ARHGAP31: variants seen among roughly 807,000 people sequenced by gnomAD.
ARHGAP31 encodes Rho GTPase activating protein 31.
Under a neutral mutation model 113.9 loss-of-function variants are expected in ARHGAP31, and 34 were observed. The observed-to-expected ratio is 0.30, with a 90% CI of 0.23 to 0.40. The LOEUF is 0.40. Among genes scored for constraint, ARHGAP31 ranks in the 10% least tolerant of loss-of-function variants. ARHGAP31 has a pLI of 1.00. For missense variants in ARHGAP31, 1,548 were observed against 1,767.1 expected, an observed-to-expected ratio of 0.88 and a Z score of 2.22; for synonymous variants, 650 against 684.8, an observed-to-expected ratio of 0.95 and a Z score of 0.79.
chr3:119,381,522 G>A (rs980209843), intron 4 of ARHGAP31, among the ~76,000 whole-genome samples: 3 of 152,110 alleles, frequency 2.0e-5, no homozygotes, highest in Non-Finnish European at 4.4e-5. Flanking sequence ...GTATAAGAAG[G>A]AACTTCCTAG....
intron 1 of ARHGAP31, among the ~76,000 whole-genome samples, chr3:119,328,656 T>C (rs1441050044): frequency 6.6e-6 from 1 of 152,178 alleles, no homozygotes; most frequent in Non-Finnish European, 1.5e-5. Flanking sequence ...TCTTTTTTTT[T>C]CTGAGACAGA....
chr3:119,310,318 C>T (rs1300751433), intron 1 of ARHGAP31, among the ~76,000 whole-genome samples: 1 of 152,152 alleles, frequency 6.6e-6, no homozygotes, highest in Non-Finnish European at 1.5e-5. Flanking sequence ...TGTGGTCACC[C>T]AGTGGTGTGC....
chr3:119,301,414 C>A lies in ARHGAP31; in HGVS notation c.100+6410C>A, dbSNP rs576883265. Among the ~76,000 whole-genome samples, 6 of 152,342 alleles carry A rather than the reference C, an allele frequency of 3.9e-5. No homozygotes were observed. In the South Asian group the frequency reaches 1.2e-3, roughly 32 times the overall value. On this transcript the variant is annotated intron_variant, in intron 1 of 11. Transcript: ENST00000264245. Reference sequence around the variant, plus strand: ...GAGGGAAACATGTTGAAACTAGGAACACATTTTCCCATAGCTGATGCTGTA... The same window carrying A: ...GAGGGAAACATGTTGAAACTAGGAAAACATTTTCCCATAGCTGATGCTGTA...
chr3:119,369,661 A>G (rs926974686), intron 3 of ARHGAP31, among the ~76,000 whole-genome samples: 11 of 152,244 alleles, frequency 7.2e-5, no homozygotes, highest in Non-Finnish European at 1.5e-4. Flanking sequence ...TCAGTGGTAC[A>G]GGGAAATACT....
chr3:119,410,409 G>C (rs1012508884), intron 11 of ARHGAP31, among the ~76,000 whole-genome samples: 2 of 152,186 alleles, frequency 1.3e-5, no homozygotes, highest in African/African-American at 4.8e-5. Context: ...GCAGCTCTGT[G>C]ACCAGAGGAG....
rs1291055004 is a variant in ARHGAP31, at chr3:119,402,003, C to T, written c.1251C>T (p.Arg417=). The stretch of plus-strand genomic sequence containing the variant: ...GTGGCTTTGATGTGAGCAGTGATCG[C>T]AGCCATCTCCAGGGCGCTCAGGCCC... ...AEGGFDVSSD[R]SHLQGAQARP... The change falls in exon 10 of 12, where the codon CGC becomes CGT. Residue 417 remains arginine, a synonymous_variant. Coordinates refer to ENST00000264245, the MANE Select transcript of ARHGAP31 (RefSeq NM_020754.4). 2 of 1,614,040 alleles carry T rather than the reference C, an allele frequency of 1.2e-6. No individual in the cohort carries two copies. The highest frequency in any genetic ancestry group is 4.5e-5 in the East Asian group (2 of 44,888).
rs566768470 is a variant in ARHGAP31, at chr3:119,324,895, G to A, written c.100+29891G>A. On this transcript the variant is annotated intron_variant, in intron 1 of 11. Transcript: ENST00000264245. The stretch of plus-strand genomic sequence containing the variant: ...AGGTCTCTTGGTCTCTCAGTTTGCA[G>A]ATCAGCGGAATGGCTAAATGAAGGT... 4 of 455,728 alleles carry A rather than the reference G, an allele frequency of 8.8e-6. No homozygotes were observed. In the East Asian group the frequency reaches 2.1e-4, roughly 24 times the overall value. 28.2% of individuals were successfully genotyped at this position (455,728 alleles called of 1,614,324 possible). A position where few individuals can be genotyped will look rare whatever the true frequency, so the allele number is the denominator to read the frequency against.
chr3:119,305,062 T>C (rs966250305), intron 1 of ARHGAP31, among the ~76,000 whole-genome samples: 7 of 152,188 alleles, frequency 4.6e-5, no homozygotes, highest in Non-Finnish European at 7.3e-5. Flanking sequence ...CCCCATCTTA[T>C]GAAGAAGGAC....
chr3:119,346,219 T>G (rs1394355836), intron 1 of ARHGAP31, among the ~76,000 whole-genome samples: 1 of 152,242 alleles, frequency 6.6e-6, no homozygotes, highest in Middle Eastern at 3.2e-3. Context: ...ATCTCTTCAG[T>G]GAATTTAAGC....
chr3:119,311,615 CAGAT>C (rs748152695), intron 1 of ARHGAP31, among the ~76,000 whole-genome samples: 5 of 152,180 alleles, frequency 3.3e-5, no homozygotes, highest in African/African-American at 9.7e-5. Context: ...GGTTGGCTAA[CAGAT>C]AGCATTCACT....
chr3:119,414,170 A>C lies in ARHGAP31; in HGVS notation c.2241A>C (p.Pro747=), dbSNP rs377576978. The change falls in exon 12 of 12, where the codon CCA becomes CCC. Residue 747 remains proline (P), a synonymous_variant. Transcript: ENST00000264245. The part of the protein sequence containing the change: ...EKPEPEQGLH[P]DLASLAPLEI... ...CGGAACCTGAGCAGGGCCTGCACCC[A>C]GACCTCGCCAGCCTGGCTCCTCTGG... is the stretch of plus-strand genomic sequence containing the variant. 4.3e-6 allele frequency: 7 copies of C among 1,614,036 alleles called. No homozygotes were observed. Among genetic ancestry groups the C allele is most frequent in the Non-Finnish European group, 5.9e-6 (7 of 1,180,018 alleles).
Position 119,380,893 on chromosome 3 carries a change from C to T in ARHGAP31, c.349-11C>T, listed in dbSNP as rs1031186787. On this transcript the variant is annotated splice_polypyrimidine_tract_variant and intron_variant, in intron 3 of 11. Coordinates refer to ENST00000264245, the MANE Select transcript of ARHGAP31 (RefSeq NM_020754.4). Reference sequence around the variant, plus strand: ...AGCACTCACCAGGCTGCCTTGTGTTCTTCTCCACAGGAGGCAGTGTCGCAT... The same window carrying T: ...AGCACTCACCAGGCTGCCTTGTGTTTTTCTCCACAGGAGGCAGTGTCGCAT... The T allele has an allele frequency of 1.2e-6, 2 of 1,613,746 alleles. No individual in the cohort carries two copies. Among genetic ancestry groups the T allele is most frequent in the Non-Finnish European group, 1.7e-6 (2 of 1,179,724 alleles).
chr3:119,312,055 C>T (rs1333883642), intron 1 of ARHGAP31, among the ~76,000 whole-genome samples: 1 of 152,208 alleles, frequency 6.6e-6, no homozygotes, highest in Non-Finnish European at 1.5e-5. Context: ...CCAATGGCTA[C>T]TTGAGTGACC....
intron 3 of ARHGAP31, among the ~76,000 whole-genome samples, chr3:119,378,743 G>C (rs143930332): frequency 6.6e-6 from 1 of 152,126 alleles, no homozygotes; most frequent in South Asian, 2.1e-4. Flanking sequence ...GGTTCTCACC[G>C]CCTTGCAGAG....
intron 1 of ARHGAP31, among the ~76,000 whole-genome samples, chr3:119,335,658 G>C (rs1449442390): frequency 6.6e-6 from 1 of 152,218 alleles, no homozygotes; most frequent in African/African-American, 2.4e-5. Flanking sequence ...GTGGGGGTCT[G>C]CACTCTGAGG....
chr3:119,396,189 G>A (rs1380679539), intron 8 of ARHGAP31, among the ~76,000 whole-genome samples: 1 of 152,254 alleles, frequency 6.6e-6, no homozygotes, highest in East Asian at 1.9e-4. Flanking sequence ...TGGATCAAAT[G>A]TTGGTAAACT....
chr3:119,299,798 A>G (rs925422250), intron 1 of ARHGAP31, among the ~76,000 whole-genome samples: 3 of 152,276 alleles, frequency 2.0e-5, no homozygotes, highest in Non-Finnish European at 2.9e-5. Context: ...TTGATCTCCA[A>G]TTAAATAGAC....
chr3:119,403,348 T>C (rs1394365577), intron 10 of ARHGAP31, among the ~76,000 whole-genome samples: 1 of 152,186 alleles, frequency 6.6e-6, no homozygotes, highest in Non-Finnish European at 1.5e-5. Context: ...GAATCACTCA[T>C]AGCAAGGAAG....
rs1274500046 is a variant in ARHGAP31, at chr3:119,401,522, T to C, written c.1070-300T>C. Among the ~76,000 whole-genome samples, 3 of 152,352 alleles carry C rather than the reference T, an allele frequency of 2.0e-5. No homozygotes were observed. The East Asian group carries it at 5.8e-4, about 29-fold the overall frequency. On this transcript the variant is annotated intron_variant, in intron 9 of 11. Transcript: ENST00000264245. ...TAATGCCTAGTAGATGATGGCTCTGTTTAGCAACTTTAGCAGTAATCTTTT... is the reference window on the plus strand; with the variant it reads ...TAATGCCTAGTAGATGATGGCTCTGCTTAGCAACTTTAGCAGTAATCTTTT...
Sources: gnomAD v4.1 joint callset for allele counts (sites outside exome capture counted in the v4.1 genomes callset) on GRCh38, gnomAD v4.1.1 for gene constraint, MANE v1.5 for transcripts, NCBI Gene and HGNC (gene_info 2026-07-23, HGNC 2026-07-21) for gene names.